The following PKHD1 variants were observed in gnomAD, a reference collection of about 807,000 sequenced individuals.
The protein encoded by PKHD1 is PKHD1 ciliary IPT domain containing fibrocystin/polyductin.
Under a neutral mutation model 412.0 loss-of-function variants are expected in PKHD1, and 291 were observed. The observed-to-expected ratio is 0.71, with a 90% confidence interval of 0.64 to 0.78. The LOEUF (loss-of-function observed/expected upper bound fraction) is 0.78. Ranked by LOEUF, PKHD1 falls within the 30% of genes least tolerant of loss-of-function variation. PKHD1 has a pLI of 0.00. For synonymous variants in PKHD1, 1,777 were observed against 1,821.5 expected, an observed-to-expected ratio of 0.98 and a Z score of 0.62; for missense variants, 4,825 against 4,950.7, an observed-to-expected ratio of 0.97 and a Z score of 0.76.
intron 50 of PKHD1, among the ~76,000 whole-genome samples, chr6:51,841,705 C>T (rs966524435): frequency 3.9e-5 from 6 of 152,196 alleles, no homozygotes; most frequent in African/African-American, 9.6e-5. Context: ...ATTCTGATTC[C>T]GCTCTGCCTA....
At chr6:51,929,130 G>A (rs1786186623) in intron 37 of PKHD1, among the ~76,000 whole-genome samples, 1 of 152,168 alleles carries the variant, frequency 6.6e-6, no homozygotes, top group African/African-American at 2.4e-5. Flanking sequence ...TGACGAGAGA[G>A]TGGAGATTTA....
intron 55 of PKHD1, among the ~76,000 whole-genome samples, chr6:51,755,151 A>AG (rs994119798): frequency 5.9e-5 from 9 of 152,182 alleles, no homozygotes; most frequent in Non-Finnish European, 1.2e-4. Context: ...TATATGTTAC[A>AG]GAGACAGTGA....
At chr6:51,776,717 T>A (rs534870705) in intron 53 of PKHD1, among the ~76,000 whole-genome samples, 3 of 152,088 alleles carry the variant, frequency 2.0e-5, no homozygotes, top group African/African-American at 7.2e-5. Context: ...GATCTGTTTA[T>A]GCTAAGTGTT....
At chr6:51,735,622 T>C (rs1188078901) in intron 60 of PKHD1, among the ~76,000 whole-genome samples, 1 of 152,100 alleles carries the variant, frequency 6.6e-6, no homozygotes, top group Non-Finnish European at 1.5e-5. Context: ...TAGTATAGCA[T>C]AGTCTTAAAA....
At chr6:51,697,645 C>G (rs1778958016) in intron 60 of PKHD1, among the ~76,000 whole-genome samples, 1 of 152,194 alleles carries the variant, frequency 6.6e-6, no homozygotes, top group African/African-American at 2.4e-5. Context: ...CAAATGTCCC[C>G]GAAGGGCAAA....
intron 50 of PKHD1, among the ~76,000 whole-genome samples, chr6:51,840,779 T>G (rs1278463796): frequency 6.6e-6 from 1 of 152,226 alleles, no homozygotes; most frequent in Non-Finnish European, 1.5e-5. Context: ...ATGGAAAAGA[T>G]CCTTACTTCA....
intron 60 of PKHD1, among the ~76,000 whole-genome samples, chr6:51,701,293 A>C (rs1208534338): frequency 6.6e-6 from 1 of 152,110 alleles, no homozygotes; most frequent in African/African-American, 2.4e-5. Context: ...TAAGCAAAAA[A>C]TTAGCCTATT....
intron 4 of PKHD1, among the ~76,000 whole-genome samples, chr6:52,080,502 A>C (rs1332346501): frequency 1.3e-5 from 2 of 152,210 alleles, no homozygotes; most frequent in South Asian, 4.1e-4. Flanking sequence ...CAAATATTGC[A>C]GTGGCTTCAT....
At chr6:52,070,953 T>C in intron 9 of PKHD1, 53 bp downstream of exon 9, 2 of 1,085,908 alleles carry the variant, frequency 1.8e-6, no homozygotes, top group Non-Finnish European at 2.9e-6. Context: ...TTTGTCCGGA[T>C]ACAGAGAAAG....
intron 14 of PKHD1, 38 bp downstream of exon 14, chr6:52,062,481 T>G (rs1328393828): frequency 1.1e-5 from 18 of 1,612,502 alleles, no homozygotes; most frequent in Non-Finnish European, 1.5e-5. Context: ...TTAGCAAAGG[T>G]GCTTTTGATG....
intron 46 of PKHD1, among the ~76,000 whole-genome samples, chr6:51,871,916 A>G (rs1776031597): frequency 7.9e-6 from 1 of 126,634 alleles, no homozygotes; most frequent in African/African-American, 2.6e-5. Context: ...AAGCTAGTCT[A>G]GAAATCAGAA....
intron 35 of PKHD1, 66 bp downstream of exon 35, chr6:52,010,243 T>C: frequency 7.0e-7 from 1 of 1,424,104 alleles, no homozygotes; most frequent in Non-Finnish European, 9.9e-7. Flanking sequence ...GTTTTTTTAA[T>C]GTACACAATA....
intron 55 of PKHD1, among the ~76,000 whole-genome samples, chr6:51,768,907 T>C (rs1300134642): frequency 7.9e-5 from 12 of 151,674 alleles, no homozygotes; most frequent in Non-Finnish European, 1.6e-4. Flanking sequence ...CATTTACTGT[T>C]TATTCCAAGA....
At chr6:51,839,448 C>A (rs577864733) in intron 50 of PKHD1, among the ~76,000 whole-genome samples, 2 of 152,086 alleles carry the variant, frequency 1.3e-5, no homozygotes, top group African/African-American at 2.4e-5. Flanking sequence ...CTTTTTCTGA[C>A]GAGTGCTATG....
intron 4 of PKHD1, among the ~76,000 whole-genome samples, chr6:52,080,535 T>C (rs1331636261): frequency 6.6e-6 from 1 of 152,222 alleles, no homozygotes; most frequent in African/African-American, 2.4e-5. Flanking sequence ...CTGACATCCA[T>C]GTTGATTTTT....
At chr6:51,913,129 A>G (rs1420359983) in intron 37 of PKHD1, among the ~76,000 whole-genome samples, 1 of 152,080 alleles carries the variant, frequency 6.6e-6, no homozygotes, top group Non-Finnish European at 1.5e-5. Flanking sequence ...TTTTATTCCA[A>G]GAAAAAACAA....
intron 27 of PKHD1, among the ~76,000 whole-genome samples, chr6:52,042,337 C>A (rs1283085074): frequency 6.6e-6 from 1 of 152,184 alleles, no homozygotes; most frequent in African/African-American, 2.4e-5. Flanking sequence ...AGGAAAAGGG[C>A]TTTATGCTCT....
intron 37 of PKHD1, among the ~76,000 whole-genome samples, chr6:51,913,532 T>C (rs900241428): frequency 6.6e-6 from 1 of 152,088 alleles, no homozygotes; most frequent in African/African-American, 2.4e-5. Flanking sequence ...AGAAAACACA[T>C]GGCTTACTCC....
chr6:51,644,252 G>T (rs1200020753), intron 63 of PKHD1, among the ~76,000 whole-genome samples: 1 of 151,806 alleles, frequency 6.6e-6, no homozygotes, highest in Non-Finnish European at 1.5e-5. Context: ...AACATCAAAT[G>T]ATTATTCATT....
Sources: allele counts gnomAD v4.1 joint callset (sites outside exome capture counted in the v4.1 genomes callset), GRCh38; gene constraint gnomAD v4.1.1; transcripts MANE v1.5; gene names NCBI Gene and HGNC (gene_info 2026-07-23, HGNC 2026-07-21).